Variants in VPS13B observed in about 807,000 individuals in gnomAD.
The protein encoded by VPS13B is intermembrane lipid transfer protein VPS13B.
A neutral mutation model predicts 426.4 loss-of-function variants in VPS13B; 285 were observed. The ratio of observed to expected loss-of-function variants is 0.67; its 90% CI spans 0.61 to 0.74. The LOEUF (loss-of-function observed/expected upper bound fraction) is 0.74, where lower values mean the gene tolerates loss of function less well. Ranked by LOEUF, VPS13B falls within the 30% of genes least tolerant of loss-of-function variation. VPS13B has a pLI of 0.00. For synonymous variants in VPS13B, 1,676 were observed against 1,676.4 expected, an observed-to-expected ratio of 1.00 and a Z score of 0.01; for missense variants, 4,537 against 4,782.6, an observed-to-expected ratio of 0.95 and a Z score of 1.51.
At chr8:99,216,646 C>G (rs1489419932) in intron 17 of VPS13B, among the ~76,000 whole-genome samples, 1 of 150,056 alleles carries the variant, frequency 6.7e-6, no homozygotes, top group Non-Finnish European at 1.5e-5. Context: ...AGTATCGTAG[C>G]CACCAGTCAC....
At chr8:99,801,848 T>A (rs938691159) in intron 43 of VPS13B, among the ~76,000 whole-genome samples, 1 of 152,130 alleles carries the variant, frequency 6.6e-6, no homozygotes, top group Non-Finnish European at 1.5e-5. Context: ...TGTAAATCCT[T>A]AAAAATACTT....
chr8:99,558,570 C>G (rs1377510459), intron 31 of VPS13B, among the ~76,000 whole-genome samples: 1 of 152,086 alleles, frequency 6.6e-6, no homozygotes, highest in Non-Finnish European at 1.5e-5. Flanking sequence ...TACCCCCACC[C>G]CACAACAGGC....
At chr8:99,443,090 G>A (rs953707767) in intron 23 of VPS13B, among the ~76,000 whole-genome samples, 20 of 152,018 alleles carry the variant, frequency 1.3e-4, no homozygotes, top group African/African-American at 4.6e-4. Flanking sequence ...ATTATATGAT[G>A]ATTAGAGTCA....
At chr8:99,546,620 A>G (rs1311355928) in intron 30 of VPS13B, among the ~76,000 whole-genome samples, 1 of 151,994 alleles carries the variant, frequency 6.6e-6, no homozygotes, top group Non-Finnish European at 1.5e-5. Context: ...AAACCATTAA[A>G]CTGTAATCAA....
chr8:99,372,965 A>T (rs1012083227), intron 19 of VPS13B, among the ~76,000 whole-genome samples: 1 of 152,128 alleles, frequency 6.6e-6, no homozygotes, highest in Non-Finnish European at 1.5e-5. Context: ...CCATATCCAC[A>T]GTGGAATACT....
chr8:99,779,469 C>T (rs531699277), intron 42 of VPS13B, among the ~76,000 whole-genome samples: 88 of 151,992 alleles, frequency 5.8e-4, no homozygotes, highest in Non-Finnish European at 1.1e-3. Context: ...AAAAAAGCAG[C>T]GAGATGAAAT....
At chr8:99,417,151 A>T (rs192511488) in intron 21 of VPS13B, among the ~76,000 whole-genome samples, 160 of 152,274 alleles carry the variant, frequency 1.1e-3, no homozygotes, top group African/African-American at 3.7e-3. Flanking sequence ...AGATGTGAAC[A>T]TTCAAATTCT....
intron 14 of VPS13B, 44 bp downstream of exon 14, chr8:99,148,054 A>ATTTTTTT: frequency 7.3e-7 from 1 of 1,363,422 alleles, no homozygotes; most frequent in South Asian, 1.3e-5. Flanking sequence ...TCATATATGG[A>ATTTTTTT]TTTTTTTTTT....
chr8:99,537,099 G>A (rs572305096), intron 30 of VPS13B, among the ~76,000 whole-genome samples: 15 of 151,520 alleles, frequency 9.9e-5, no homozygotes, highest in South Asian at 2.1e-4. Flanking sequence ...AAATAATAAC[G>A]TATATCCACC....
intron 19 of VPS13B, among the ~76,000 whole-genome samples, chr8:99,287,903 T>G (rs1344234356): frequency 6.6e-6 from 1 of 152,002 alleles, no homozygotes; most frequent in Non-Finnish European, 1.5e-5. Flanking sequence ...AAAATCAATT[T>G]AGCGAAGTTT....
At chr8:99,474,493 T>G (rs1306557039) in intron 24 of VPS13B, among the ~76,000 whole-genome samples, 2 of 151,952 alleles carry the variant, frequency 1.3e-5, no homozygotes, top group African/African-American at 2.4e-5. Flanking sequence ...GGACTAAAAA[T>G]TTTTTCTACT....
intron 30 of VPS13B, among the ~76,000 whole-genome samples, chr8:99,528,142 A>G (rs1822747185): frequency 6.6e-6 from 1 of 152,054 alleles, no homozygotes; most frequent in South Asian, 2.1e-4. Context: ...TTTATATTAT[A>G]CTTCCTATGT....
At chr8:99,770,056 G>A (rs997811548) in intron 40 of VPS13B, among the ~76,000 whole-genome samples, 4 of 152,076 alleles carry the variant, frequency 2.6e-5, no homozygotes, top group East Asian at 1.9e-4. Flanking sequence ...CTGATCAGGA[G>A]GCTAAGGTGG....
At chr8:99,774,046 C>T (rs1811632787) in intron 40 of VPS13B, among the ~76,000 whole-genome samples, 1 of 151,860 alleles carries the variant, frequency 6.6e-6, no homozygotes, top group Non-Finnish European at 1.5e-5. Flanking sequence ...CATTTTAATC[C>T]TTAGGTAAAA....
At chr8:99,709,656 G>C (rs1164682449) in intron 36 of VPS13B, among the ~76,000 whole-genome samples, 2 of 152,128 alleles carry the variant, frequency 1.3e-5, no homozygotes, top group Non-Finnish European at 2.9e-5. Context: ...AAAGTCAACA[G>C]AAAAAATCAG....
At chr8:99,653,910 A>G (rs939327116) in intron 34 of VPS13B, among the ~76,000 whole-genome samples, 1 of 152,144 alleles carries the variant, frequency 6.6e-6, no homozygotes, top group Non-Finnish European at 1.5e-5. Context: ...AATACTGCTT[A>G]TAGAGTTAGC....
At chr8:99,855,074 G>A (rs1165431777) in intron 56 of VPS13B, among the ~76,000 whole-genome samples, 1 of 152,154 alleles carries the variant, frequency 6.6e-6, no homozygotes, top group East Asian at 1.9e-4. Flanking sequence ...AGGGACTACT[G>A]TGTACTAGCA....
chr8:99,853,634 T>G lies in VPS13B; in HGVS notation c.10245T>G (p.Phe3415Leu). The G allele has an allele frequency of 6.2e-7, 1 of 1,614,176 alleles. No individual in the cohort carries two copies. The highest frequency in any genetic ancestry group is 8.5e-7 in the Non-Finnish European group (1 of 1,180,018). The change falls in exon 56 of 62, where the codon TTT (phenylalanine) becomes TTG (leucine). Residue 3415 changes from phenylalanine (F) to leucine (L), a missense_variant. By Grantham distance (22) the Phe-to-Leu change is conservative (BLOSUM62 0). Transcript: ENST00000357162. ...GGGAAGAGCCTGTGGCTGCGTTGTT[T>G]GAACTTTACTGTGTGGAGATCTGCT... is the stretch of plus-strand genomic sequence containing the variant. ...LPGEEPVAAL[F>L]ELYCVEICCG... is the part of the protein sequence containing the mutation.
At chr8:99,392,600 A>G (rs1814504361) in intron 21 of VPS13B, among the ~76,000 whole-genome samples, 1 of 152,120 alleles carries the variant, frequency 6.6e-6, no homozygotes, top group Admixed American at 6.5e-5. Flanking sequence ...AGAAATATTA[A>G]GAAGATCCCT....
Sources: allele counts gnomAD v4.1 joint callset (sites outside exome capture counted in the v4.1 genomes callset), GRCh38; gene constraint gnomAD v4.1.1; transcripts MANE v1.5; gene names NCBI Gene and HGNC (gene_info 2026-07-23, HGNC 2026-07-21).